The following SCHIP1 variants were observed in gnomAD, a reference collection of about 807,000 sequenced individuals.
SCHIP1 encodes the protein schwannomin interacting protein 1, also known as schwannomin-interacting protein 1.
In SCHIP1, 8 loss-of-function variants were observed where a neutral mutation model predicts 29.7. That is an observed-to-expected ratio of 0.27 (90% confidence interval 0.16 to 0.49). The LOEUF (loss-of-function observed/expected upper bound fraction) is 0.49, where lower values mean the gene tolerates loss of function less well. SCHIP1 is among the 20% of genes least tolerant of loss of function. The pLI, the probability that SCHIP1 is intolerant of heterozygous loss-of-function variation, is 0.99. For missense variants in SCHIP1, 193 were observed against 294.6 expected, an observed-to-expected ratio of 0.66 and a Z score of 2.52; for synonymous variants, 76 against 94.9, an observed-to-expected ratio of 0.80 and a Z score of 1.16.
At chr3:159,626,177 T>G in the SCHIP1 span, among the ~76,000 whole-genome samples, 17 of 110,596 alleles carry the variant, frequency 1.5e-4, no homozygotes, top group South Asian at 2.6e-4. Context: ...TATATCTATC[T>G]ATCTAGATAG....
chr3:159,295,435 GTCAA>G, the SCHIP1 span, among the ~76,000 whole-genome samples: 2,685 of 151,598 alleles, frequency 0.018, 80 homozygotes, highest in African/African-American at 0.062. Flanking sequence ...TCTCACAAAA[GTCAA>G]TCAATCAATC....
intron 1 of SCHIP1, among the ~76,000 whole-genome samples, chr3:159,863,832 A>G (rs1272996265): frequency 6.6e-6 from 1 of 152,176 alleles, no homozygotes; most frequent in Non-Finnish European, 1.5e-5. Flanking sequence ...TGTAAATGGA[A>G]ATATTTTTAA....
At chr3:159,875,639 T>C (rs1350223804) in intron 2 of SCHIP1, among the ~76,000 whole-genome samples, 2 of 152,216 alleles carry the variant, frequency 1.3e-5, no homozygotes, top group African/African-American at 4.8e-5. Flanking sequence ...CAGTGCTCCA[T>C]TGAGAGTGCA....
the SCHIP1 span, among the ~76,000 whole-genome samples, chr3:159,368,790 G>A: frequency 2.0e-5 from 3 of 152,182 alleles, no homozygotes; most frequent in Non-Finnish European, 4.4e-5. Flanking sequence ...AGGGCTTGAG[G>A]CTTGTGAGAG....
the SCHIP1 span, among the ~76,000 whole-genome samples, chr3:159,492,699 T>G: frequency 6.6e-6 from 1 of 152,186 alleles, no homozygotes; most frequent in South Asian, 2.1e-4. Flanking sequence ...CCAGGAGAAC[T>G]TCCCCAACCT....
chr3:159,559,035 C>CA, the SCHIP1 span, among the ~76,000 whole-genome samples: 2 of 152,122 alleles, frequency 1.3e-5, no homozygotes, highest in Non-Finnish European at 2.9e-5. Context: ...TATGTTGCCC[C>CA]TTCAGCTCAG....
the SCHIP1 span, among the ~76,000 whole-genome samples, chr3:159,358,994 C>T: frequency 7.5e-6 from 1 of 132,598 alleles, no homozygotes; most frequent in African/African-American, 2.9e-5. Context: ...GTGTCCCAGT[C>T]TCAGTTCACT....
the SCHIP1 span, among the ~76,000 whole-genome samples, chr3:159,406,094 G>C: frequency 6.6e-6 from 1 of 151,484 alleles, no homozygotes; most frequent in Non-Finnish European, 1.5e-5. Flanking sequence ...AAACCTAGAG[G>C]AAGATATCAA....
the SCHIP1 span, among the ~76,000 whole-genome samples, chr3:159,636,061 A>G: frequency 6.6e-6 from 1 of 151,986 alleles, no homozygotes; most frequent in Non-Finnish European, 1.5e-5. Context: ...TTATTTTATT[A>G]TTTTGGAGAC....
chr3:159,803,910 A>C, the SCHIP1 span, among the ~76,000 whole-genome samples: 1 of 108,244 alleles, frequency 9.2e-6, no homozygotes. Context: ...CCCATTTTAC[A>C]GATTTAGAAG....
chr3:159,478,829 G>A, the SCHIP1 span, among the ~76,000 whole-genome samples: 1 of 152,030 alleles, frequency 6.6e-6, no homozygotes, highest in African/African-American at 2.4e-5. Flanking sequence ...TATTGTAAAT[G>A]GGATGGTGTT....
At chr3:159,423,801 G>C in the SCHIP1 span, among the ~76,000 whole-genome samples, 2 of 152,088 alleles carry the variant, frequency 1.3e-5, no homozygotes, top group African/African-American at 4.8e-5. Flanking sequence ...CTAACTGGGA[G>C]GCACCCCCCA....
the SCHIP1 span, among the ~76,000 whole-genome samples, chr3:159,610,235 A>G: frequency 6.6e-6 from 1 of 152,172 alleles, no homozygotes; most frequent in Non-Finnish European, 1.5e-5. Context: ...GAGAGATGAC[A>G]TGGGATGGAG....
the SCHIP1 span, among the ~76,000 whole-genome samples, chr3:159,466,394 G>C: frequency 1.3e-5 from 2 of 152,094 alleles, no homozygotes; most frequent in African/African-American, 4.8e-5. Context: ...TATGACTTCT[G>C]ACAATGTTTT....
chr3:159,892,009 G>A (rs1717592785), intron 5 of SCHIP1, 88 bp from the exon 7 acceptor site: 12 of 1,409,340 alleles, frequency 8.5e-6, no homozygotes, highest in Non-Finnish European at 1.1e-5. Context: ...ATGGGTAGCT[G>A]TTTGTGTGTA....
At chr3:159,515,993 G>T in the SCHIP1 span, among the ~76,000 whole-genome samples, 1 of 151,156 alleles carries the variant, frequency 6.6e-6, no homozygotes, top group Non-Finnish European at 1.5e-5. Context: ...TAAAGAATTG[G>T]GGGGGAATTT....
chr3:159,392,133 A>G, the SCHIP1 span, among the ~76,000 whole-genome samples: 6 of 152,114 alleles, frequency 3.9e-5, no homozygotes, highest in Non-Finnish European at 8.8e-5. Context: ...GTTGGCAAAC[A>G]TCCCCTTAGT....
intron 1 of SCHIP1, among the ~76,000 whole-genome samples, chr3:159,849,054 T>TA (rs34607287): frequency 0.25 from 38,243 of 151,794 alleles, 5,171 homozygotes; most frequent in East Asian, 0.54. Flanking sequence ...AGAGAACACT[T>TA]ACGACAAAAA....
the SCHIP1 span, among the ~76,000 whole-genome samples, chr3:159,772,718 T>C: frequency 6.6e-6 from 1 of 152,192 alleles, no homozygotes; most frequent in African/African-American, 2.4e-5. Flanking sequence ...ATCCAAATGC[T>C]GTGATGTTGC....
Sources: gnomAD v4.1 joint callset for allele counts (sites outside exome capture counted in the v4.1 genomes callset) on GRCh38, gnomAD v4.1.1 for gene constraint, MANE v1.5 for transcripts, NCBI Gene and HGNC (gene_info 2026-07-23, HGNC 2026-07-21) for gene names.